Variants in EHD1 observed in about 807,000 individuals in gnomAD.
EHD1 encodes EH domain-containing protein 1.
In EHD1, 19 loss-of-function variants were observed where a neutral mutation model predicts 39.0. The ratio of observed to expected loss-of-function variants is 0.49; its 90% confidence interval spans 0.34 to 0.72. EHD1 has a LOEUF of 0.72. Ranked by LOEUF, EHD1 falls within the 30% of genes least tolerant of loss-of-function variation. The pLI is 0.01. For synonymous variants in EHD1, 323 were observed against 331.2 expected, an observed-to-expected ratio of 0.98 and a Z score of 0.27; for missense variants, 542 against 751.5, an observed-to-expected ratio of 0.72 and a Z score of 3.26.
intron 2 of EHD1, among the ~76,000 whole-genome samples, chr11:64,865,172 A>T (rs1280650296): frequency 2.0e-5 from 3 of 152,270 alleles, no homozygotes; most frequent in Non-Finnish European, 4.4e-5. Context: ...AAAGGGCCAC[A>T]GCACTCAGGC....
At chr11:64,865,613 C>T (rs1348796446) in intron 2 of EHD1, among the ~76,000 whole-genome samples, 1 of 152,192 alleles carries the variant, frequency 6.6e-6, no homozygotes, top group Non-Finnish European at 1.5e-5. Flanking sequence ...AAAGCCAGAG[C>T]CCCCTCTGAT....
At chr11:64,863,424 G>A (rs1240210359) in intron 2 of EHD1, among the ~76,000 whole-genome samples, 5 of 152,186 alleles carry the variant, frequency 3.3e-5, no homozygotes, top group Admixed American at 6.5e-5. Context: ...CAGCCCTGCC[G>A]TCCCCCAGTG....
chr11:64,865,563 G>C (rs142191321), intron 2 of EHD1, among the ~76,000 whole-genome samples: 220 of 152,344 alleles, frequency 1.4e-3, no homozygotes, highest in African/African-American at 4.8e-3. Flanking sequence ...GTGGGCTGGA[G>C]AGAAAGGCCC....
chr11:64,859,711 T>C (rs1337270056), intron 3 of EHD1: 1 of 663,840 alleles, frequency 1.5e-6, no homozygotes, highest in African/African-American at 1.8e-5. Flanking sequence ...AGAACAGGTT[T>C]AGAGGGAGGC....
At chr11:64,879,633 G>A, upstream of EHD1, 3 of 1,550,908 alleles carry the variant, frequency 1.9e-6, no homozygotes, top group Non-Finnish European at 8.7e-7. Context: ...TGTTCCATGG[G>A]GCTCACTCCC....
In EHD1 at chr11:64,878,168, G is replaced by A; in HGVS notation, c.297C>T (p.Ala99=). Residue 99 remains alanine (A), a synonymous_variant, in exon 1 of 5, where the codon GCC becomes GCT. Transcript: ENST00000320631. ...CGCCCTCAGTGGGGCCGTGCATGAC[G>A]GCGATGAAGGAGTCGGTGGTGGGCT... The part of the protein sequence containing the change: ...GPEPTTDSFI[A]VMHGPTEGVV... The A allele has an allele frequency of 6.2e-7, 1 of 1,604,872 alleles. No homozygotes were observed. Among genetic ancestry groups the A allele is most frequent in the Non-Finnish European group, 8.5e-7 (1 of 1,172,736 alleles).
chr11:64,859,561 C>T (rs55870084), intron 3 of EHD1: 3,475 of 208,252 alleles, frequency 0.017, 129 homozygotes, highest in African/African-American at 0.076. Context: ...GGGAAGCCAA[C>T]AAGCCTTAGA....
intron 2 of EHD1, among the ~76,000 whole-genome samples, chr11:64,866,487 G>A (rs1943768166): frequency 6.6e-6 from 1 of 152,052 alleles, no homozygotes; most frequent in South Asian, 2.1e-4. Context: ...CTTGAGTCCA[G>A]CCTGGGTAAC....
In EHD1 at chr11:64,853,992, G is replaced by A. The variant is rs190102360; in HGVS notation, c.*341C>T. The A allele has an allele frequency of 9.6e-5, 31 of 322,430 alleles. No individual in the cohort carries two copies. Among genetic ancestry groups the A allele is most frequent in the African/African-American group, 5.0e-4 (24 of 47,934 alleles). The allele number at this position is 322,430 out of a possible 1,614,324, so 20.0% of individuals were successfully genotyped here. ...AGGGCGACCTGGCTCCCCCACGGTC[G>A]CAGTCGCTGCACTGTCCAGCTCCAG... On this transcript the variant is annotated 3_prime_UTR_variant, in exon 5 of 5. Transcript: ENST00000320631.
rs1469388125 is a variant in EHD1, at chr11:64,853,680, C to T, written c.*653G>A. ...TTTCTGGAAGACATTCTCCTACTCC[C>T]CTGAACTCCCAAAAAAAGACCAAGG... On this transcript the variant is annotated 3_prime_UTR_variant, in exon 5 of 5. Coordinates refer to ENST00000320631, the MANE Select transcript of EHD1 (RefSeq NM_006795.4). 1.3e-5 allele frequency: 2 copies of T among 154,846 alleles called. No homozygotes were observed. The highest frequency in any genetic ancestry group is 1.3e-4 in the Admixed American group (2 of 15,794). 9.6% of individuals were successfully genotyped at this position (154,846 alleles called of 1,614,324 possible). A position where few individuals can be genotyped will look rare whatever the true frequency, so the allele number is the denominator to read the frequency against.
At chr11:64,865,419 C>T (rs1182908754) in intron 2 of EHD1, among the ~76,000 whole-genome samples, 1 of 152,252 alleles carries the variant, frequency 6.6e-6, no homozygotes, top group Non-Finnish European at 1.5e-5. Context: ...CCGGCACTGC[C>T]CAAGGCAACA....
rs183817279 is a variant in EHD1 at position 64,873,213 on chromosome 11, C to T, written c.502+1208G>A. On this transcript the variant is annotated intron_variant, in intron 2 of 4. Coordinates refer to ENST00000320631, the MANE Select transcript of EHD1 (RefSeq NM_006795.4). Reference sequence around the variant, plus strand: ...GGAGTTTACACAATTGGAATGGGCACGGTGCACTACTGCATAGCAAGAAGG... The same window carrying T: ...GGAGTTTACACAATTGGAATGGGCATGGTGCACTACTGCATAGCAAGAAGG... Among the ~76,000 whole-genome samples the T allele has an allele frequency of 3.3e-5, 5 of 152,342 alleles. No homozygotes were observed. The South Asian group carries it at 6.2e-4, about 19-fold the overall frequency.
At chr11:64,877,567 C>A (rs2136505276) in intron 1 of EHD1, among the ~76,000 whole-genome samples, 1 of 152,310 alleles carries the variant, frequency 6.6e-6, no homozygotes, top group South Asian at 2.1e-4. Context: ...CCCTCCTACA[C>A]AAAACCACCG....
chr11:64,857,301 G>A (rs1476814778), intron 3 of EHD1, among the ~76,000 whole-genome samples: 1 of 152,134 alleles, frequency 6.6e-6, no homozygotes, highest in Non-Finnish European at 1.5e-5. Context: ...ACGGGCGCCT[G>A]CAATCCCAGC....
In EHD1 at chr11:64,854,505, T is replaced by C. The variant is rs747511970; in HGVS notation, c.1433A>G (p.Asn478Ser). 2.5e-6 allele frequency: 4 copies of C among 1,614,040 alleles called. No individual in the cohort carries two copies. Among genetic ancestry groups the C allele is most frequent in the Admixed American group, 1.7e-5 (1 of 60,008 alleles). ...KKEMVKSKLP[N>S]TVLGKIWKLA... ...CTTCCAGATCTTCCCTAGCACGGTG[T>C]TGGGGAGCTTGGACTTCACCATCTC... The change falls in exon 5 of 5, where the codon AAC becomes AGC. Residue 478 changes from asparagine (N) to serine (S), a missense_variant. By Grantham distance (46) the Asn-to-Ser change is conservative. Transcript: ENST00000320631.
At chr11:64,864,387 C>T (rs61335889) in intron 2 of EHD1, among the ~76,000 whole-genome samples, 2,756 of 152,382 alleles carry the variant, frequency 0.018, 81 homozygotes, top group African/African-American at 0.061. Context: ...CCCGGGCACC[C>T]GGACTCCCTG....
Position 64,854,269 on chromosome 11 carries a change from T to A in EHD1, c.*64A>T. 6.6e-7 allele frequency: 1 copy of A among 1,516,196 alleles called. No individual in the cohort carries two copies. The highest frequency in any genetic ancestry group is 1.3e-5 in the South Asian group (1 of 79,638). 93.9% of individuals were successfully genotyped at this position (1,516,196 alleles called of 1,614,324 possible). ...ATGGACCTTGAGAAATGGTGAGGCT[T>A]CCCCTCCCCCCGTCTCTGCCTCCCG... On this transcript the variant is annotated 3_prime_UTR_variant, in exon 5 of 5. Coordinates refer to ENST00000320631, the MANE Select transcript of EHD1 (RefSeq NM_006795.4).
intron 2 of EHD1, among the ~76,000 whole-genome samples, chr11:64,871,102 G>C (rs1943824697): frequency 6.6e-6 from 1 of 152,224 alleles, no homozygotes; most frequent in Admixed American, 6.5e-5. Context: ...GCCAGGCGGG[G>C]CCAGACGGGG....
chr11:64,865,734 G>A (rs1010346512), intron 2 of EHD1, among the ~76,000 whole-genome samples: 10 of 152,140 alleles, frequency 6.6e-5, no homozygotes, highest in Admixed American at 4.6e-4. Flanking sequence ...TGACACACAC[G>A]CGGCCAACGA....
Sources: allele counts gnomAD v4.1 joint callset (sites outside exome capture counted in the v4.1 genomes callset), GRCh38; gene constraint gnomAD v4.1.1; transcripts MANE v1.5; gene names NCBI Gene and HGNC (gene_info 2026-07-23, HGNC 2026-07-21).